The following ZNF658 variants were observed in gnomAD, a reference collection of about 807,000 sequenced individuals.
ZNF658 encodes zinc finger protein 658.
Under a neutral mutation model 78.0 loss-of-function variants are expected in ZNF658, and 46 were observed. The observed-to-expected ratio is 0.59, with a 90% CI of 0.47 to 0.75. ZNF658 has a LOEUF of 0.75. Among genes scored for constraint, ZNF658 ranks in the 30% least tolerant of loss-of-function variants. The pLI, the probability that ZNF658 is intolerant of heterozygous loss-of-function variation, is 0.00. For missense variants in ZNF658, 785 were observed against 1,189.3 expected, an observed-to-expected ratio of 0.66 and a Z score of 5.00; for synonymous variants, 279 against 408.4, an observed-to-expected ratio of 0.68 and a Z score of 3.82.
At chr9:66,904,326 C>A (rs1463124024) in intron 2 of ZNF658, among the ~76,000 whole-genome samples, 3 of 151,938 alleles carry the variant, frequency 2.0e-5, no homozygotes, top group Non-Finnish European at 4.4e-5. Context: ...GCAGCACTTG[C>A]CTCAATGTCT....
chr9:66,913,691 C>A (rs1268655640), intron 4 of ZNF658, among the ~76,000 whole-genome samples: 3 of 150,094 alleles, frequency 2.0e-5, no homozygotes, highest in African/African-American at 7.4e-5. Flanking sequence ...CTATTTTCTT[C>A]TAGAAATTTT....
chr9:66,902,154 AG>A (rs1821966594), intron 1 of ZNF658, among the ~76,000 whole-genome samples: 1 of 149,864 alleles, frequency 6.7e-6, no homozygotes, highest in African/African-American at 2.5e-5. Flanking sequence ...AGTCAGGTTT[AG>A]GGTATTAGGT....
In ZNF658 at chr9:66,920,591, C is replaced by T. The variant is rs1314539839; in HGVS notation, c.3025C>T (p.Leu1009Phe). 2 of 1,322,456 alleles carry T rather than the reference C, an allele frequency of 1.5e-6. No individual in the cohort carries two copies. Among genetic ancestry groups the T allele is most frequent in the Admixed American group, 2.1e-5 (1 of 48,252 alleles). The allele number at this position is 1,322,456 out of a possible 1,614,324, so 81.9% of individuals were successfully genotyped here. ...AAAAGCTTTTGCCCAAAATTCAACT[C>T]TCAGAGTACACCAGAGAATTCACAC... ...CGKAFAQNST[L>F]RVHQRIHTGE... The change falls in exon 5 of 5, where the codon CTC becomes TTC. Residue 1009 changes from leucine to phenylalanine, a missense_variant. Leu to Phe is a conservative substitution (Grantham distance 22, BLOSUM62 0). Transcript: ENST00000621410.
Position 66,920,983 on chromosome 9 carries a change from A to G in ZNF658, c.*237A>G, listed in dbSNP as rs1822513648. ...AACCCTCACAGTCTTCCTGGTTCAT[A>G]AGATGGATTTGGAGGTTATTTCTGC... On this transcript the variant is annotated 3_prime_UTR_variant, in exon 5 of 5. Transcript: ENST00000621410. 1 of 579,248 alleles carries G rather than the reference A, an allele frequency of 1.7e-6. No individual in the cohort carries two copies. The highest frequency in any genetic ancestry group is 1.9e-5 in the African/African-American group (1 of 53,246). 35.9% of individuals were successfully genotyped at this position (579,248 alleles called of 1,614,324 possible).
At chr9:66,907,722 G>A (rs1415382299) in intron 2 of ZNF658, among the ~76,000 whole-genome samples, 1 of 152,342 alleles carries the variant, frequency 6.6e-6, no homozygotes, top group Non-Finnish European at 1.5e-5. Flanking sequence ...TCTCTTCTGT[G>A]ATTATATCCC....
chr9:66,931,501 A>G (rs1436947960), intron 6 of ZNF658, among the ~76,000 whole-genome samples: 1 of 152,100 alleles, frequency 6.6e-6, no homozygotes, highest in Non-Finnish European at 1.5e-5. Context: ...CCATATATCT[A>G]GTAGAACCAT....
chr9:66,925,807 T>C (rs1238220065), downstream of ZNF658, among the ~76,000 whole-genome samples: 2 of 151,688 alleles, frequency 1.3e-5, no homozygotes, highest in African/African-American at 2.4e-5. Flanking sequence ...TACAGGTCTA[T>C]GTCCCTGATT....
chr9:66,914,225 A>C (rs1200490668), intron 4 of ZNF658, among the ~76,000 whole-genome samples: 1 of 150,256 alleles, frequency 6.7e-6, no homozygotes, highest in Non-Finnish European at 1.5e-5. Context: ...TAGTTTTTAG[A>C]ACACAGATAA....
At chr9:66,925,227 A>G (rs1822574493), downstream of ZNF658, among the ~76,000 whole-genome samples, 1 of 147,532 alleles carries the variant, frequency 6.8e-6, no homozygotes, top group South Asian at 2.2e-4. Flanking sequence ...ACTAGAGACA[A>G]TATCTCTCAT....
chr9:66,904,074 C>A (rs1310526852), intron 2 of ZNF658, among the ~76,000 whole-genome samples: 2 of 151,052 alleles, frequency 1.3e-5, no homozygotes. Flanking sequence ...TCTGATGAAT[C>A]AACTGAATGT....
rs139563799 is a variant in ZNF658 at position 66,921,076 on chromosome 9, C to T, written c.*330C>T. 5.5e-3 allele frequency: 1,551 copies of T among 282,070 alleles called. 26 individuals carry two copies. The highest frequency in any genetic ancestry group is 0.031 in the African/African-American group (1,401 of 44,518). The allele number at this position is 282,070 out of a possible 1,614,324, so 17.5% of individuals were successfully genotyped here. On this transcript the variant is annotated 3_prime_UTR_variant, in exon 5 of 5. Coordinates refer to ENST00000621410, the MANE Select transcript of ZNF658 (RefSeq NM_033160.7). ...GTCAAGGAAGCTAGAGTCTGAAAAACGAACAATTCACTTCCAGGTCTTCAT... is the reference window on the plus strand; with the variant it reads ...GTCAAGGAAGCTAGAGTCTGAAAAATGAACAATTCACTTCCAGGTCTTCAT...
Position 66,929,392 on chromosome 9 carries a change from C to T in ZNF658, c.*55-2633C>T, listed in dbSNP as rs1346598152. On this transcript the variant is annotated intron_variant and NMD_transcript_variant, in intron 6 of 6. Coordinates refer to the ZNF658 transcript ENST00000622180. ...CTACCACACAGAGCCATTGCAGGCACGGGGAAATTGAGAATTCTTCTTAAA... is the reference window on the plus strand; with the variant it reads ...CTACCACACAGAGCCATTGCAGGCATGGGGAAATTGAGAATTCTTCTTAAA... 4.6e-4 allele frequency among the ~76,000 whole-genome samples: 61 copies of T among 133,976 alleles called. 1 individual carries two copies. The highest frequency in any genetic ancestry group is 1.6e-3 in the African/African-American group (56 of 34,984). The allele number at this position is 133,976 out of a possible 152,430, so 87.9% of individuals were successfully genotyped here.
chr9:66,925,619 G>A (rs934502101), downstream of ZNF658, among the ~76,000 whole-genome samples: 1 of 151,972 alleles, frequency 6.6e-6, no homozygotes, highest in Non-Finnish European at 1.5e-5. Context: ...ACAAAGCAAA[G>A]CCTCCGACCT....
chr9:66,903,983 G>A (rs1822015637), intron 2 of ZNF658, among the ~76,000 whole-genome samples: 1 of 152,132 alleles, frequency 6.6e-6, no homozygotes, highest in South Asian at 2.1e-4. Flanking sequence ...CTCAATAGAA[G>A]TAGAAATTGT....
At chr9:66,913,195 CG>C (rs1266268866) in intron 4 of ZNF658, among the ~76,000 whole-genome samples, 1 of 151,044 alleles carries the variant, frequency 6.6e-6, no homozygotes, top group African/African-American at 2.4e-5. Context: ...GAGGCCGAGG[CG>C]GGTGGATCAC....
chr9:66,909,028 T>C (rs1053524149), intron 4 of ZNF658, among the ~76,000 whole-genome samples: 5 of 152,198 alleles, frequency 3.3e-5, no homozygotes, highest in Non-Finnish European at 7.3e-5. Context: ...GGTAGCATAA[T>C]TAATATGGTG....
intron 2 of ZNF658, among the ~76,000 whole-genome samples, chr9:66,904,555 C>T (rs1822030113): frequency 6.6e-6 from 1 of 152,050 alleles, no homozygotes; most frequent in Admixed American, 6.6e-5. Flanking sequence ...ATTCATGTAT[C>T]TTACCATGTA....
At position 66,920,932 on chromosome 9, in the gene ZNF658, C is replaced by T. The variant is rs573397058; in HGVS notation, c.*186C>T. The T allele has an allele frequency of 1.5e-5, 11 of 714,642 alleles. No homozygotes were observed. Among genetic ancestry groups the T allele is most frequent in the Admixed American group, 1.3e-4 (5 of 37,302 alleles). 44.3% of individuals were successfully genotyped at this position (714,642 alleles called of 1,614,324 possible). On this transcript the variant is annotated 3_prime_UTR_variant, in exon 5 of 5. Transcript: ENST00000621410. ...GCTAATGATAAATATTACATTTACC[C>T]TTGGCCCTTAAAAAAAAAAAAGAAA... is the stretch of plus-strand genomic sequence containing the variant.
chr9:66,923,897 CT>C (rs1822561040), downstream of ZNF658, among the ~76,000 whole-genome samples: 1 of 114,938 alleles, frequency 8.7e-6, no homozygotes, highest in African/African-American at 3.3e-5. Flanking sequence ...GCCTATAATC[CT>C]AGCACTTTGG....
Sources: allele counts gnomAD v4.1 joint callset (sites outside exome capture counted in the v4.1 genomes callset), GRCh38; gene constraint gnomAD v4.1.1; transcripts MANE v1.5; gene names NCBI Gene and HGNC (gene_info 2026-07-23, HGNC 2026-07-21).